The following NAA35 variants were observed in gnomAD, a reference collection of about 807,000 sequenced individuals.
The protein encoded by NAA35 is MAK10 homolog, amino-acid N-acetyltransferase subunit.
In NAA35, 18 loss-of-function variants were observed where a neutral mutation model predicts 101.7. The observed-to-expected ratio is 0.18, with a 90% CI of 0.12 to 0.26. The LOEUF is 0.26. NAA35 is among the 10% of genes least tolerant of loss of function. The probability of loss-of-function intolerance (pLI) is 1.00; values close to 1 mark genes in which losing one functional copy is unlikely to be tolerated. For synonymous variants in NAA35, 267 were observed against 273.1 expected (o/e 0.98, Z 0.22); for missense variants, 601 against 886.8 (o/e 0.68, Z 4.09).
Position 86,016,472 on chromosome 9 carries a change from A to T in NAA35, c.1569-67A>T, listed in dbSNP as rs556469902. The T allele has an allele frequency of 3.2e-4, 408 of 1,293,820 alleles. 8 individuals carry two copies. In the South Asian group the frequency reaches 4.9e-3, roughly 15 times the overall value. 80.1% of individuals were successfully genotyped at this position (1,293,820 alleles called of 1,614,324 possible). A position where few individuals can be genotyped will look rare whatever the true frequency, so the allele number is the denominator to read the frequency against. On this transcript the variant is annotated intron_variant, in intron 17 of 22. Coordinates refer to ENST00000361671, the MANE Select transcript of NAA35 (RefSeq NM_024635.4). ...GCATTATTTGAAATATCTATCGTTA[A>T]TATATGTGTTGATAAAGCTGTCTCA...
At chr9:85,942,750 G>A (rs893663301) in intron 2 of NAA35, among the ~76,000 whole-genome samples, 8 of 152,116 alleles carry the variant, frequency 5.3e-5, no homozygotes, top group East Asian at 1.9e-4. Context: ...CACTGTCCCC[G>A]CCAGGCTTAT....
chr9:86,012,688 G>T (rs916341552), intron 15 of NAA35, among the ~76,000 whole-genome samples: 2 of 152,114 alleles, frequency 1.3e-5, no homozygotes, highest in Non-Finnish European at 2.9e-5. Flanking sequence ...TAATTATTAG[G>T]CATTCTGACA....
intron 2 of NAA35, among the ~76,000 whole-genome samples, chr9:85,950,357 T>C (rs575732856): frequency 1.7e-3 from 265 of 152,340 alleles, no homozygotes; most frequent in African/African-American, 6.1e-3. Flanking sequence ...GCAACTCTCA[T>C]GTCTCAGCCT....
chr9:86,013,591 A>G, intron 16 of NAA35, 128 bp from the exon 17 acceptor site: 1 of 829,082 alleles, frequency 1.2e-6, no homozygotes, highest in South Asian at 2.0e-5. Flanking sequence ...TGCATTTAAA[A>G]ATGTTTCTTT....
chr9:86,001,693 C>T (rs146180301), intron 12 of NAA35, among the ~76,000 whole-genome samples: 6,744 of 152,232 alleles, frequency 0.044, 203 homozygotes, highest in Middle Eastern at 0.099. Context: ...ATTGCAACCC[C>T]TGCTTTTTTC....
intron 11 of NAA35, chr9:85,986,339 A>T: frequency 2.2e-6 from 1 of 461,942 alleles, no homozygotes; most frequent in Non-Finnish European, 4.4e-6. Context: ...CTGAATATGG[A>T]TTATAACCAA....
At chr9:86,021,798 G>C in intron 22 of NAA35, 103 bp from the exon 23 acceptor site, 1 of 974,482 alleles carries the variant, frequency 1.0e-6, no homozygotes, top group Non-Finnish European at 1.5e-6. Context: ...GTGCTGCCTT[G>C]TTTCTAAGAA....
chr9:85,957,127 A>T (rs1829311524), intron 3 of NAA35, among the ~76,000 whole-genome samples: 1 of 152,214 alleles, frequency 6.6e-6, no homozygotes, highest in Non-Finnish European at 1.5e-5. Context: ...AAGCTTAACT[A>T]CTGGTAGCCT....
intron 13 of NAA35, among the ~76,000 whole-genome samples, chr9:86,006,702 A>G (rs922731076): frequency 6.6e-6 from 1 of 152,196 alleles, no homozygotes; most frequent in African/African-American, 2.4e-5. Context: ...GATACAGGTG[A>G]TACAGTTTGT....
intron 5 of NAA35, among the ~76,000 whole-genome samples, chr9:85,961,687 G>C (rs1829521125): frequency 6.6e-6 from 1 of 152,010 alleles, no homozygotes; most frequent in Non-Finnish European, 1.5e-5. Flanking sequence ...GATCTGGTTA[G>C]TTCTATAATT....
chr9:85,957,108 C>G (rs1189537346), intron 3 of NAA35, among the ~76,000 whole-genome samples: 1 of 152,206 alleles, frequency 6.6e-6, no homozygotes, highest in East Asian at 1.9e-4. Context: ...TAACCTTTGA[C>G]TCCCCCAAAA....
intron 2 of NAA35, among the ~76,000 whole-genome samples, chr9:85,952,791 A>G (rs1187262794): frequency 2.0e-5 from 3 of 152,170 alleles, no homozygotes; most frequent in South Asian, 2.1e-4. Flanking sequence ...AAGTGAGTAC[A>G]TTTTGCCCTG....
chr9:85,973,995 C>T (rs549893269), intron 6 of NAA35, among the ~76,000 whole-genome samples: 8 of 151,872 alleles, frequency 5.3e-5, no homozygotes, highest in African/African-American at 7.2e-5. Flanking sequence ...CTCACTCTGT[C>T]GCCCAGGCTG....
chr9:85,970,603 T>A (rs1367030196), intron 6 of NAA35, among the ~76,000 whole-genome samples: 1 of 152,138 alleles, frequency 6.6e-6, no homozygotes, highest in Non-Finnish European at 1.5e-5. Flanking sequence ...ATGATATAAC[T>A]TAAATTTAAT....
intron 11 of NAA35, among the ~76,000 whole-genome samples, chr9:85,994,084 A>G (rs970376947): frequency 3.3e-5 from 5 of 152,152 alleles, no homozygotes; most frequent in African/African-American, 9.7e-5. Flanking sequence ...ACTCTCACCA[A>G]TGACTAGGGT....
chr9:85,996,560 A>G lies in NAA35; in HGVS notation c.1039A>G (p.Asn347Asp). The part of the protein sequence containing the change: ...KTVCEVVNLT[N>D]LHCILDFFCE... ...TGTCTGTGAGGTTGTGAATTTAACAAATTTACATTGTATCCTGGTAAGTAC... is the reference window on the plus strand; with the variant it reads ...TGTCTGTGAGGTTGTGAATTTAACAGATTTACATTGTATCCTGGTAAGTAC... The change falls in exon 12 of 23, where the codon AAT becomes GAT. Residue 347 changes from asparagine to aspartate, a missense_variant. Physicochemically the swap from Asn to Asp is conservative, Grantham distance 23 (BLOSUM62 1). Around this residue, in one of 8 missense-constraint regions of NAA35, gnomAD observed 190 missense variants for 223.1 expected, o/e 0.85. Coordinates refer to ENST00000361671, the MANE Select transcript of NAA35 (RefSeq NM_024635.4). 8 of 1,578,178 alleles carry G rather than the reference A, an allele frequency of 5.1e-6. No homozygotes were observed. Among genetic ancestry groups the G allele is most frequent in the Non-Finnish European group, 6.8e-6 (8 of 1,169,320 alleles).
chr9:85,978,445 A>G (rs1830306481), intron 11 of NAA35, 64 bp downstream of exon 11: 1 of 1,148,766 alleles, frequency 8.7e-7, no homozygotes, highest in Non-Finnish European at 1.3e-6. Context: ...TTTAGTGCTT[A>G]GCTTGTACTA....
At chr9:85,981,773 A>G (rs1830450258) in intron 11 of NAA35, among the ~76,000 whole-genome samples, 1 of 152,322 alleles carries the variant, frequency 6.6e-6, no homozygotes, top group East Asian at 1.9e-4. Flanking sequence ...TTATCCCTTA[A>G]TCATAAGCTG....
At chr9:85,971,046 C>T (rs2117989611) in intron 6 of NAA35, among the ~76,000 whole-genome samples, 1 of 152,326 alleles carries the variant, frequency 6.6e-6, no homozygotes, top group African/African-American at 2.4e-5. Context: ...GGCTCTCCTT[C>T]ACTACTCGCT....
Sources: gnomAD v4.1 joint callset for allele counts (sites outside exome capture counted in the v4.1 genomes callset) on GRCh38, gnomAD v4.1.1 for gene constraint, gnomAD v4.1.1 regional missense constraint, MANE v1.5 for transcripts, NCBI Gene and HGNC (gene_info 2026-07-23, HGNC 2026-07-21) for gene names.